Variants in RAB10 observed in about 807,000 individuals in gnomAD.
The protein encoded by RAB10 is RAB10, member RAS oncogene family, also known as ras-related protein Rab-10.
In RAB10, 5 loss-of-function variants were observed where a neutral mutation model predicts 25.7. The ratio of observed to expected loss-of-function variants is 0.19; its 90% CI spans 0.10 to 0.41. The LOEUF (loss-of-function observed/expected upper bound fraction) is 0.41. RAB10 is among the 10% of genes least tolerant of loss of function. RAB10 has a pLI of 1.00. For missense variants in RAB10, 103 were observed against 245.8 expected, an observed-to-expected ratio of 0.42 and a Z score of 3.89; for synonymous variants, 89 against 86.4, an observed-to-expected ratio of 1.03 and a Z score of -0.16.
At chr2:26,073,218 G>C (rs539320954) in intron 1 of RAB10, among the ~76,000 whole-genome samples, 2 of 152,164 alleles carry the variant, frequency 1.3e-5, no homozygotes, top group South Asian at 4.1e-4. Flanking sequence ...TTTAATGCAG[G>C]AATTGTTTCA....
intron 1 of RAB10, among the ~76,000 whole-genome samples, chr2:26,076,501 T>C (rs751760430): frequency 4.2e-4 from 64 of 152,184 alleles, no homozygotes; most frequent in Admixed American, 6.5e-4. Context: ...CATAAGATAC[T>C]GCCATGTTCT....
chr2:26,117,950 T>G (rs1207193807), intron 3 of RAB10, among the ~76,000 whole-genome samples: 2 of 152,176 alleles, frequency 1.3e-5, no homozygotes, highest in Non-Finnish European at 2.9e-5. Context: ...AAGTCTCAGA[T>G]TATTTCTCTA....
intron 2 of RAB10, 62 bp from the exon 3 acceptor site, chr2:26,109,706 C>A: frequency 7.0e-7 from 1 of 1,424,452 alleles, no homozygotes; most frequent in East Asian, 2.6e-5. Flanking sequence ...CTTGTTTTGT[C>A]CTTTATGTGA....
chr2:26,056,607 A>T (rs943415444), intron 1 of RAB10, among the ~76,000 whole-genome samples: 4 of 152,196 alleles, frequency 2.6e-5, no homozygotes, highest in African/African-American at 9.7e-5. Context: ...AATAAACAAG[A>T]TGTATTTTAA....
At position 26,034,576 on chromosome 2, in the gene RAB10, C is replaced by T. The variant is rs753638516; in HGVS notation, c.-33C>T. 6.8e-6 allele frequency: 11 copies of T among 1,612,006 alleles called. No individual in the cohort carries two copies. The Admixed American group carries it at 1.7e-4, about 24-fold the overall frequency. ...GTGAGAGGGACCGATCCCTTGGGGC[C>T]GCCGGCGGCGAGAGCCCGAGCCGCT... On this transcript the variant is annotated 5_prime_UTR_variant, in exon 1 of 6. Coordinates refer to ENST00000264710, the MANE Select transcript of RAB10 (RefSeq NM_016131.5).
At chr2:26,098,619 T>C in intron 1 of RAB10, 43 bp from the exon 2 acceptor site, 2 of 1,432,948 alleles carry the variant, frequency 1.4e-6, no homozygotes, top group South Asian at 1.2e-5. Context: ...TATAGCCAAA[T>C]GTAAAGCCAC....
At chr2:26,047,025 A>G (rs1666026721) in intron 1 of RAB10, among the ~76,000 whole-genome samples, 1 of 152,152 alleles carries the variant, frequency 6.6e-6, no homozygotes, top group Admixed American at 6.5e-5. Context: ...TTATAACATC[A>G]CAACCAGAAT....
chr2:26,039,955 A>G (rs1453998624), intron 1 of RAB10, among the ~76,000 whole-genome samples: 1 of 152,156 alleles, frequency 6.6e-6, no homozygotes, highest in Non-Finnish European at 1.5e-5. Context: ...ATGGATGTAT[A>G]TTATGTAATG....
At chr2:26,061,755 C>A (rs530424559) in intron 1 of RAB10, among the ~76,000 whole-genome samples, 1 of 143,216 alleles carries the variant, frequency 7.0e-6, no homozygotes, top group East Asian at 2.1e-4. Context: ...CTGCTCCCCA[C>A]CCCACCCCCC....
At chr2:26,121,178 C>T (rs746616288) in intron 3 of RAB10, among the ~76,000 whole-genome samples, 1 of 152,220 alleles carries the variant, frequency 6.6e-6, no homozygotes, top group Non-Finnish European at 1.5e-5. Flanking sequence ...TCCCAAAGTG[C>T]TGGCTTTACA....
rs534823624 is a variant in RAB10 at position 26,068,893 on chromosome 2, T to C, written c.128-29769T>C. Among the ~76,000 whole-genome samples, 5 of 152,294 alleles carry C rather than the reference T, an allele frequency of 3.3e-5. No homozygotes were observed. In the South Asian group the frequency reaches 8.3e-4, roughly 25 times the overall value. ...AGCTGTTTCAAAAATGTTTCACTTA[T>C]TGTTTTCATGCAGATTATCTCTTCG... On this transcript the variant is annotated intron_variant, in intron 1 of 5. Transcript: ENST00000264710.
At chr2:26,054,067 A>T (rs1383637106) in intron 1 of RAB10, among the ~76,000 whole-genome samples, 4 of 82,020 alleles carry the variant, frequency 4.9e-5, no homozygotes, top group Non-Finnish European at 2.2e-5. Context: ...TGTTTTTTTG[A>T]GCTGGAGTCT....
At position 26,040,390 on chromosome 2, in the gene RAB10, G is replaced by C. The variant is rs148197582; in HGVS notation, c.127+5655G>C. On this transcript the variant is annotated intron_variant, in intron 1 of 5. Coordinates refer to ENST00000264710, the MANE Select transcript of RAB10 (RefSeq NM_016131.5). ...ATCTATAACATCCTGAGGACTGGGC[G>C]TGGTGGCTCAAACCTGTAATCCCAG... Among the ~76,000 whole-genome samples the C allele has an allele frequency of 1.6e-3, 242 of 152,016 alleles. 1 individual carries two copies. Among genetic ancestry groups the C allele is most frequent in the African/African-American group, 5.7e-3 (235 of 41,454 alleles).
At chr2:26,084,930 G>A (rs1666945204) in intron 1 of RAB10, among the ~76,000 whole-genome samples, 1 of 152,058 alleles carries the variant, frequency 6.6e-6, no homozygotes, top group Non-Finnish European at 1.5e-5. Context: ...AGAACTAAAG[G>A]GTTATTTAGG....
intron 1 of RAB10, among the ~76,000 whole-genome samples, chr2:26,078,832 G>A (rs1666797034): frequency 6.6e-6 from 1 of 152,112 alleles, no homozygotes; most frequent in Non-Finnish European, 1.5e-5. Context: ...AACACTGCAA[G>A]CCAAACAAAT....
In RAB10 at chr2:26,036,716, A is replaced by G. The variant is rs553903220; in HGVS notation, c.127+1981A>G. On this transcript the variant is annotated intron_variant, in intron 1 of 5. Transcript: ENST00000264710. ...CTAATAGGAATAGAGTCAGAGGGGT[A>G]GGATAGGGCCTTTCTGGAAAAGGGA... Among the ~76,000 whole-genome samples the G allele has an allele frequency of 2.6e-5, 4 of 152,234 alleles. No homozygotes were observed. The South Asian group carries it at 8.3e-4, about 32-fold the overall frequency.
intron 1 of RAB10, among the ~76,000 whole-genome samples, chr2:26,053,311 C>T (rs766552253): frequency 2.6e-5 from 4 of 152,124 alleles, no homozygotes; most frequent in South Asian, 2.1e-4. Flanking sequence ...GTAGTTCCAC[C>T]ACTATCCAGA....
intron 3 of RAB10, among the ~76,000 whole-genome samples, chr2:26,113,557 G>A (rs1171261575): frequency 1.6e-5 from 2 of 121,300 alleles, no homozygotes; most frequent in South Asian, 2.8e-4. Flanking sequence ...CTGGGCGACA[G>A]AGCAAGACTC....
intron 3 of RAB10, among the ~76,000 whole-genome samples, chr2:26,111,289 T>A (rs548956701): frequency 6.6e-6 from 1 of 152,312 alleles, no homozygotes; most frequent in African/African-American, 2.4e-5. Context: ...AAGCTTATTA[T>A]TTTTTAATAA....
Sources: gnomAD v4.1 joint callset for allele counts (sites outside exome capture counted in the v4.1 genomes callset) on GRCh38, gnomAD v4.1.1 for gene constraint, MANE v1.5 for transcripts, NCBI Gene and HGNC (gene_info 2026-07-23, HGNC 2026-07-21) for gene names.